The following ZFPM2 variants were observed in gnomAD, a reference collection of about 807,000 sequenced individuals.
The protein encoded by ZFPM2 is zinc finger protein, FOG family member 2.
A neutral mutation model predicts 98.6 loss-of-function variants in ZFPM2; 20 were observed. That is an observed-to-expected ratio of 0.20 (90% CI 0.14 to 0.29). ZFPM2 has a LOEUF of 0.29. Ranked by LOEUF, ZFPM2 falls within the 10% of genes least tolerant of loss-of-function variation. ZFPM2 has a pLI of 1.00. For synonymous variants in ZFPM2, 518 were observed against 502.7 expected (o/e 1.03, Z -0.41); for missense variants, 1,310 against 1,388.6 (o/e 0.94, Z 0.90).
chr8:105,718,989 C>T (rs541367052), intron 5 of ZFPM2, among the ~76,000 whole-genome samples: 1 of 151,904 alleles, frequency 6.6e-6, no homozygotes, highest in Non-Finnish European at 1.5e-5. Context: ...GTCTACTGGC[C>T]CCAAATATGA....
intron 5 of ZFPM2, among the ~76,000 whole-genome samples, chr8:105,648,039 G>A (rs1200268213): frequency 6.6e-6 from 1 of 152,156 alleles, no homozygotes; most frequent in African/African-American, 2.4e-5. Flanking sequence ...TCCAGCACCT[G>A]TGGTTTCCTG....
Position 105,802,189 on chromosome 8 carries a change from A to C in ZFPM2, c.2107A>C (p.Met703Leu), listed in dbSNP as rs121908603. Residue 703 changes from methionine to leucine, a missense_variant, in exon 8 of 8, where the codon ATG (methionine) becomes CTG (leucine). By Grantham distance (15) the Met-to-Leu change is conservative. Transcript: ENST00000407775. Reference sequence around the variant, plus strand: ...TACCTTCAGCCGGCACGAAACATACATGGTCCACAAACAGTATTACTGTGC... The same window carrying C: ...TACCTTCAGCCGGCACGAAACATACCTGGTCCACAAACAGTATTACTGTGC... ...NITFSRHETYMVHKQYYCATR... is the reference protein window; with the variant it reads ...NITFSRHETYLVHKQYYCATR... 1.7e-4 allele frequency: 282 copies of C among 1,613,866 alleles called. 1 individual carries two copies. The East Asian group carries it at 5.0e-3, about 29-fold the overall frequency.
chr8:105,596,985 A>T (rs951928326), intron 4 of ZFPM2, among the ~76,000 whole-genome samples: 1 of 152,000 alleles, frequency 6.6e-6, no homozygotes, highest in Non-Finnish European at 1.5e-5. Flanking sequence ...GAAATTCTAC[A>T]TTGGAATATT....
At chr8:105,750,688 C>T (rs1375212310) in intron 5 of ZFPM2, among the ~76,000 whole-genome samples, 1 of 151,918 alleles carries the variant, frequency 6.6e-6, no homozygotes, top group East Asian at 1.9e-4. Context: ...TTTTCTTAAG[C>T]CTGAAATGAG....
At chr8:105,470,787 TAGAA>T (rs1213793788) in intron 3 of ZFPM2, among the ~76,000 whole-genome samples, 4 of 151,896 alleles carry the variant, frequency 2.6e-5, no homozygotes, top group East Asian at 3.9e-4. Flanking sequence ...AAAAAAAAAA[TAGAA>T]AGAGAAGGTT....
intron 5 of ZFPM2, among the ~76,000 whole-genome samples, chr8:105,771,993 A>G (rs1036487190): frequency 2.0e-5 from 3 of 151,038 alleles, no homozygotes; most frequent in African/African-American, 7.4e-5. Context: ...CAACAAATAC[A>G]TGCTTTAAGT....
intron 5 of ZFPM2, among the ~76,000 whole-genome samples, chr8:105,684,694 G>A (rs1810691615): frequency 6.6e-6 from 1 of 151,934 alleles, no homozygotes; most frequent in African/African-American, 2.4e-5. Flanking sequence ...TTAGAGGAGT[G>A]GGAAAAGTTA....
intron 4 of ZFPM2, among the ~76,000 whole-genome samples, chr8:105,601,487 CTTA>C (rs1328159164): frequency 1.3e-5 from 2 of 152,070 alleles, no homozygotes; most frequent in East Asian, 3.9e-4. Context: ...CTGCTCTGTT[CTTA>C]TTCTGCTCTT....
At chr8:105,755,379 T>C (rs1160463615) in intron 5 of ZFPM2, among the ~76,000 whole-genome samples, 1 of 152,154 alleles carries the variant, frequency 6.6e-6, no homozygotes, top group Non-Finnish European at 1.5e-5. Flanking sequence ...GGAGAATATA[T>C]TTTAATTAGC....
chr8:105,637,834 G>A (rs956434796), intron 5 of ZFPM2, among the ~76,000 whole-genome samples: 6 of 152,098 alleles, frequency 3.9e-5, no homozygotes, highest in Non-Finnish European at 7.4e-5. Context: ...GGGTTAACAA[G>A]TGTTAACTTG....
chr8:105,754,490 A>G (rs16873632), intron 5 of ZFPM2, among the ~76,000 whole-genome samples: 15,797 of 152,072 alleles, frequency 0.1, 1,050 homozygotes, highest in East Asian at 0.33. Context: ...TGAAAAGTTC[A>G]AGATGAGGTG....
At chr8:105,551,715 C>T (rs181727894) in intron 3 of ZFPM2, among the ~76,000 whole-genome samples, 83 of 152,248 alleles carry the variant, frequency 5.5e-4, no homozygotes, top group Non-Finnish European at 1.1e-3. Flanking sequence ...GCTGGAACCT[C>T]CTGAAGATCT....
intron 6 of ZFPM2, among the ~76,000 whole-genome samples, chr8:105,790,669 A>G (rs1390401471): frequency 6.6e-6 from 1 of 152,142 alleles, no homozygotes; most frequent in Non-Finnish European, 1.5e-5. Flanking sequence ...CATTGAATCT[A>G]TAAATTACCT....
chr8:105,628,954 G>A (rs1232060777), intron 4 of ZFPM2, among the ~76,000 whole-genome samples: 4 of 152,172 alleles, frequency 2.6e-5, no homozygotes, highest in South Asian at 2.1e-4. Context: ...AGCTGACTGC[G>A]GACAGCAGAG....
intron 3 of ZFPM2, among the ~76,000 whole-genome samples, chr8:105,490,670 G>A (rs1813339149): frequency 6.6e-6 from 1 of 152,108 alleles, no homozygotes; most frequent in South Asian, 2.1e-4. Flanking sequence ...TCTAAAATGA[G>A]CAATTTGAAG....
intron 3 of ZFPM2, among the ~76,000 whole-genome samples, chr8:105,515,576 T>A (rs568089127): frequency 2.0e-5 from 3 of 152,334 alleles, no homozygotes; most frequent in African/African-American, 7.2e-5. Context: ...TTGTATTATT[T>A]AGAAACCTTT....
At chr8:105,640,310 T>C (rs1293174225) in intron 5 of ZFPM2, among the ~76,000 whole-genome samples, 4 of 151,302 alleles carry the variant, frequency 2.6e-5, no homozygotes, top group Non-Finnish European at 4.4e-5. Context: ...CAATTTTTTT[T>C]CCCATTCTTT....
At chr8:105,441,490 GAAAGA>G (rs1347052093) in intron 2 of ZFPM2, among the ~76,000 whole-genome samples, 1 of 71,152 alleles carries the variant, frequency 1.4e-5, no homozygotes, top group Non-Finnish European at 2.4e-5. Context: ...AAGAAAGAAA[GAAAGA>G]AAGAAATCAA....
intron 3 of ZFPM2, among the ~76,000 whole-genome samples, chr8:105,505,875 G>A (rs912555015): frequency 6.6e-6 from 1 of 152,028 alleles, no homozygotes; most frequent in Non-Finnish European, 1.5e-5. Flanking sequence ...GACATAAAAT[G>A]TATGAAGAAT....
Sources: allele counts gnomAD v4.1 joint callset (sites outside exome capture counted in the v4.1 genomes callset), GRCh38; gene constraint gnomAD v4.1.1; transcripts MANE v1.5; gene names NCBI Gene and HGNC (gene_info 2026-07-23, HGNC 2026-07-21).